The following LAMB4 variants were observed in gnomAD, a reference collection of about 807,000 sequenced individuals.
LAMB4 encodes the protein laminin subunit beta 4.
A neutral mutation model predicts 199.2 loss-of-function variants in LAMB4; 196 were observed. That is an observed-to-expected ratio of 0.98 (90% CI 0.88 to 1.11). LAMB4 has a LOEUF of 1.11. Among genes scored for constraint, LAMB4 ranks in the 50% least tolerant of loss-of-function variants. LAMB4 has a pLI of 0.00. For missense variants in LAMB4, 2,080 were observed against 2,171.2 expected (o/e 0.96, Z 0.83); for synonymous variants, 744 against 770.6 (o/e 0.97, Z 0.57).
intron 25 of LAMB4, among the ~76,000 whole-genome samples, chr7:108,055,345 C>G (rs1372112599): frequency 1.3e-5 from 2 of 152,130 alleles, no homozygotes; most frequent in African/African-American, 4.8e-5. Flanking sequence ...TGCCACCATG[C>G]CTGGCTAATA....
At chr7:108,109,130 G>T (rs923817683) in intron 5 of LAMB4, 41 bp downstream of exon 5, 9 of 1,382,716 alleles carry the variant, frequency 6.5e-6, no homozygotes, top group Non-Finnish European at 8.2e-6. Context: ...GAGCATTTAG[G>T]GAATAGATAA....
chr7:108,121,812 C>G (rs1019686004), intron 2 of LAMB4, among the ~76,000 whole-genome samples: 1 of 150,908 alleles, frequency 6.6e-6, no homozygotes, highest in African/African-American at 2.4e-5. Flanking sequence ...GTTCCTAAAA[C>G]CTATGGGGCA....
At chr7:108,049,191 C>T (rs1434324364) in intron 27 of LAMB4, 135 bp downstream of exon 27, 2 of 235,762 alleles carry the variant, frequency 8.5e-6, no homozygotes, top group Non-Finnish European at 1.6e-5. Context: ...ATTTTATATA[C>T]CTACATATAT....
chr7:108,120,204 TC>T (rs1563111546), intron 2 of LAMB4, among the ~76,000 whole-genome samples: 1 of 152,218 alleles, frequency 6.6e-6, no homozygotes, highest in Non-Finnish European at 1.5e-5. Context: ...AATATAATAA[TC>T]TTTTCATGAA....
At chr7:108,039,087 A>G (rs1381608203) in intron 29 of LAMB4, among the ~76,000 whole-genome samples, 29 of 152,152 alleles carry the variant, frequency 1.9e-4, no homozygotes, top group Admixed American at 1.8e-3. Context: ...GGGGTAAGAG[A>G]TATTCTAAAC....
At chr7:108,013,795 TA>T in the LAMB4 span, among the ~76,000 whole-genome samples, 5 of 152,106 alleles carry the variant, frequency 3.3e-5, no homozygotes, top group East Asian at 7.7e-4. Flanking sequence ...AAAGTGGAAA[TA>T]ATCCAAATGA....
chr7:108,090,985 C>T (rs991641864), intron 14 of LAMB4, among the ~76,000 whole-genome samples: 9 of 152,140 alleles, frequency 5.9e-5, no homozygotes, highest in East Asian at 1.9e-4. Flanking sequence ...AGGAATGACT[C>T]GGTTCCTGGA....
intron 2 of LAMB4, among the ~76,000 whole-genome samples, chr7:108,120,108 G>A (rs992520687): frequency 3.3e-5 from 5 of 152,082 alleles, no homozygotes; most frequent in Admixed American, 6.6e-5. Context: ...TCAGTAGACA[G>A]GAGTGACAGG....
chr7:108,128,952 T>G (rs374736586), intron 1 of LAMB4, among the ~76,000 whole-genome samples: 27 of 152,220 alleles, frequency 1.8e-4, no homozygotes, highest in African/African-American at 6.5e-4. Context: ...CTGGGTGCAT[T>G]TTGGTAGCCG....
chr7:108,040,963 C>A (rs1584610225), intron 29 of LAMB4, among the ~76,000 whole-genome samples: 1 of 152,098 alleles, frequency 6.6e-6, no homozygotes, highest in African/African-American at 2.4e-5. Flanking sequence ...ACAGAGTAAA[C>A]ACAACCTACA....
intron 17 of LAMB4, 54 bp from the exon 18 acceptor site, chr7:108,069,939 T>C: frequency 7.1e-7 from 1 of 1,403,778 alleles, no homozygotes; most frequent in Non-Finnish European, 9.7e-7. Context: ...TGTGTACGAT[T>C]CTACTTACAT....
At chr7:108,105,709 G>T in intron 8 of LAMB4, 108 bp downstream of exon 8, 1 of 936,462 alleles carries the variant, frequency 1.1e-6, no homozygotes, top group Non-Finnish European at 1.7e-6. Flanking sequence ...GCATAAAACT[G>T]GCACTTAGAT....
At chr7:108,037,645 T>A (rs765596287) in intron 29 of LAMB4, 50 bp from the exon 30 acceptor site, 2 of 1,382,352 alleles carry the variant, frequency 1.4e-6, no homozygotes, top group East Asian at 2.3e-5. Context: ...TAACAAACAC[T>A]GTATCTTAAA....
chr7:108,117,536 T>C (rs2038449343), intron 2 of LAMB4, among the ~76,000 whole-genome samples: 1 of 152,150 alleles, frequency 6.6e-6, no homozygotes, highest in Non-Finnish European at 1.5e-5. Flanking sequence ...TCTACTGTAT[T>C]TTGTGGGTAG....
In LAMB4 at chr7:108,066,459, C is replaced by A. The variant is rs145450595; in HGVS notation, c.2588G>T (p.Cys863Phe). 2.5e-5 allele frequency: 40 copies of A among 1,614,068 alleles called. No individual in the cohort carries two copies. The African/African-American group carries it at 4.9e-4, about 20-fold the overall frequency. Reference protein sequence around the residue: ...GYFGFPSCHPCPCNRFAELCD... With the variant: ...GYFGFPSCHPFPCNRFAELCD... The stretch of plus-strand genomic sequence containing the variant: ...AAGTTCAGCAAACCTATTACAAGGG[C>A]AAGGGTGGCAGCTGGGAAATCCAAA... Residue 863 changes from cysteine (C) to phenylalanine (F), a missense_variant, in exon 20 of 34, where the codon TGC becomes TTC. Cys to Phe is a radical substitution (Grantham distance 205). Transcript: ENST00000388781.
the LAMB4 span, among the ~76,000 whole-genome samples, chr7:108,013,049 C>G: frequency 1.3e-5 from 2 of 152,212 alleles, no homozygotes; most frequent in Non-Finnish European, 2.9e-5. Context: ...CCAGGCACCC[C>G]ACCTCTCACA....
chr7:108,052,399 GT>G, intron 25 of LAMB4, 142 bp from the exon 26 acceptor site: 1 of 580,948 alleles, frequency 1.7e-6, no homozygotes, highest in Non-Finnish European at 2.9e-6. Context: ...TCATTTGACG[GT>G]TTATAATTGT....
At chr7:108,114,487 T>G (rs1330114492) in intron 3 of LAMB4, among the ~76,000 whole-genome samples, 1 of 152,184 alleles carries the variant, frequency 6.6e-6, no homozygotes, top group African/African-American at 2.4e-5. Flanking sequence ...CTGGACTTAG[T>G]AGTCACCTGG....
chr7:108,087,579 G>A (rs1323737344), intron 14 of LAMB4, among the ~76,000 whole-genome samples: 1 of 152,208 alleles, frequency 6.6e-6, no homozygotes, highest in Non-Finnish European at 1.5e-5. Context: ...AGCCATGGGA[G>A]GCTGGGCCGT....
Sources: allele counts gnomAD v4.1 joint callset (sites outside exome capture counted in the v4.1 genomes callset), GRCh38; gene constraint gnomAD v4.1.1; transcripts MANE v1.5; gene names NCBI Gene and HGNC (gene_info 2026-07-23, HGNC 2026-07-21).